The following MAP2K2 variants were observed in gnomAD, a reference collection of about 807,000 sequenced individuals.
MAP2K2 encodes dual specificity mitogen-activated protein kinase kinase 2.
A neutral mutation model predicts 43.7 loss-of-function variants in MAP2K2; 24 were observed. The ratio of observed to expected loss-of-function variants is 0.55; its 90% CI spans 0.40 to 0.77. MAP2K2 has a LOEUF of 0.77. Ranked by LOEUF, MAP2K2 falls within the 30% of genes least tolerant of loss-of-function variation. The pLI, the probability that MAP2K2 is intolerant of heterozygous loss-of-function variation, is 0.00. For missense variants in MAP2K2, 470 were observed against 566.8 expected, an observed-to-expected ratio of 0.83 and a Z score of 1.73; for synonymous variants, 244 against 239.7, an observed-to-expected ratio of 1.02 and a Z score of -0.17.
chr19:4,094,403 G>A (rs1210931730), intron 10 of MAP2K2, 50 bp downstream of exon 10: 3 of 1,541,086 alleles, frequency 1.9e-6, no homozygotes, highest in Admixed American at 3.9e-5. Context: ...CCTGGGGCCT[G>A]GGTGGCAGCC....
Position 4,101,491 on chromosome 19 carries a change from C to T in MAP2K2, c.529-211G>A, listed in dbSNP as rs1244383767. On this transcript the variant is annotated intron_variant, in intron 4 of 10. Transcript: ENST00000262948. The surrounding 1 kb of genome is among the most constrained non-coding windows in gnomAD (Gnocchi z 6.3). ...CTGTGCTGGCGTGTGCAAGTCAACC[C>T]CGGTTCCCATGGCCGCAGTGCCGCC... Among the ~76,000 whole-genome samples, 1 of 152,182 alleles carries T rather than the reference C, an allele frequency of 6.6e-6. No homozygotes were observed.
chr19:4,112,333 G>A (rs1466035887), intron 2 of MAP2K2, among the ~76,000 whole-genome samples: 1 of 152,200 alleles, frequency 6.6e-6, no homozygotes, highest in African/African-American at 2.4e-5. Flanking sequence ...TGCCTGGGGA[G>A]CAGCAACAAG....
intron 2 of MAP2K2, among the ~76,000 whole-genome samples, chr19:4,110,944 C>T (rs1351978748): frequency 2.0e-5 from 3 of 152,304 alleles, no homozygotes; most frequent in African/African-American, 7.2e-5. Context: ...CTCACTGAAA[C>T]AGGACTCAGC....
At chr19:4,095,835 C>T (rs1478117616) in intron 8 of MAP2K2, among the ~76,000 whole-genome samples, 1 of 152,240 alleles carries the variant, frequency 6.6e-6, no homozygotes, top group South Asian at 2.1e-4. Context: ...AGTGCAATGG[C>T]GTGATCTTGG....
intron 2 of MAP2K2, among the ~76,000 whole-genome samples, chr19:4,113,628 C>T (rs1347506151): frequency 3.9e-5 from 6 of 152,208 alleles, no homozygotes; most frequent in African/African-American, 1.4e-4. Context: ...CTTTCCAGGA[C>T]ACCACAGCCC....
At chr19:4,117,854 C>G (rs971776520) in intron 1 of MAP2K2, among the ~76,000 whole-genome samples, 1 of 152,202 alleles carries the variant, frequency 6.6e-6, no homozygotes, top group Admixed American at 6.5e-5. Context: ...TGCCTTGATC[C>G]TGTCTCAACA....
chr19:4,111,666 A>C (rs1196736526), intron 2 of MAP2K2, among the ~76,000 whole-genome samples: 1 of 152,358 alleles, frequency 6.6e-6, no homozygotes, highest in African/African-American at 2.4e-5. Flanking sequence ...CAAGAGATGC[A>C]GAAAGGAGGC....
At position 4,091,196 on chromosome 19, in the gene MAP2K2, C is replaced by A. The variant is rs145613294; in HGVS notation, c.1093-488G>T. Reference sequence around the variant, plus strand: ...CGGAGCAGGACAGCCCAGGCAAGAACGGGCTGTTCCACAGAACTCCGCGAA... The same window carrying A: ...CGGAGCAGGACAGCCCAGGCAAGAAAGGGCTGTTCCACAGAACTCCGCGAA... On this transcript the variant is annotated intron_variant, in intron 10 of 10. Coordinates refer to ENST00000262948, the MANE Select transcript of MAP2K2 (RefSeq NM_030662.4). Among the ~76,000 whole-genome samples the A allele has an allele frequency of 2.2e-4, 34 of 152,332 alleles. No homozygotes were observed. The East Asian group carries it at 5.6e-3, about 25-fold the overall frequency.
At chr19:4,107,967 C>T (rs1169453215) in intron 3 of MAP2K2, among the ~76,000 whole-genome samples, 2 of 152,168 alleles carry the variant, frequency 1.3e-5, no homozygotes, top group Non-Finnish European at 2.9e-5. Flanking sequence ...GGGCCGAGAC[C>T]TGACCCGGAC....
intron 7 of MAP2K2, among the ~76,000 whole-genome samples, chr19:4,097,930 G>A (rs962277157): frequency 2.6e-5 from 4 of 152,172 alleles, no homozygotes; most frequent in Non-Finnish European, 4.4e-5. Flanking sequence ...GAGAGGCTGA[G>A]GCTAGGCCTG....
At chr19:4,102,750 T>C (rs1187966420) in intron 3 of MAP2K2, 2 of 1,298,542 alleles carry the variant, frequency 1.5e-6, no homozygotes, top group Non-Finnish European at 2.0e-6. Flanking sequence ...GAGGCTCTGC[T>C]CCGGGCCAGC....
At position 4,108,304 on chromosome 19, in the gene MAP2K2, G is replaced by A. The variant is rs543973128; in HGVS notation, c.450+2205C>T. Among the ~76,000 whole-genome samples, 32 of 152,186 alleles carry A rather than the reference G, an allele frequency of 2.1e-4. 1 individual carries two copies. In the East Asian group the frequency reaches 3.5e-3, roughly 17 times the overall value. On this transcript the variant is annotated intron_variant, in intron 3 of 10. Coordinates refer to ENST00000262948, the MANE Select transcript of MAP2K2 (RefSeq NM_030662.4). ...GGCCCAGGCTGGAGTGCAGTGGCAC[G>A]ATCTCAGCTCACTGAAAGCTCTGCC...
In MAP2K2 at chr19:4,124,068, C is replaced by CA. The variant is rs2041339671; in HGVS notation, c.-194_-193insT. 1 of 209,508 alleles carries CA rather than the reference C, an allele frequency of 4.8e-6. No individual in the cohort carries two copies. Among genetic ancestry groups the CA allele is most frequent in the South Asian group, 1.8e-4 (1 of 5,426 alleles). 13.0% of individuals were successfully genotyped at this position (209,508 alleles called of 1,614,324 possible). A position where few individuals can be genotyped will look rare whatever the true frequency, so the allele number is the denominator to read the frequency against. On this transcript the variant is annotated 5_prime_UTR_variant, in exon 1 of 11. Transcript: ENST00000262948. Reference sequence around the variant, plus strand: ...GGGCGCTGGGGCTGAGGCGAGCGAGCCGCTACCGCTGCCGAGGCCCGAAGA... The same window carrying CA: ...GGGCGCTGGGGCTGAGGCGAGCGAGCACGCTACCGCTGCCGAGGCCCGAAGA...
chr19:4,116,997 C>T lies in MAP2K2; in HGVS notation c.303+422G>A, dbSNP rs1378300148. On this transcript the variant is annotated intron_variant, in intron 2 of 10. Transcript: ENST00000262948. The stretch of plus-strand genomic sequence containing the variant: ...GCAAAAACATGGCCTGATCATCTTA[C>T]GTCGCCACCGCTGCGTAGGCGGTCT... 5.3e-5 allele frequency among the ~76,000 whole-genome samples: 8 copies of T among 152,316 alleles called. No individual in the cohort carries two copies. The East Asian group carries it at 9.6e-4, about 18-fold the overall frequency.
At position 4,116,009 on chromosome 19, in the gene MAP2K2, C is replaced by T. The variant is rs1156410312; in HGVS notation, c.303+1410G>A. ...CCCAGGAGCCCGGGATGACTAAGCA[C>T]GGGGGCCGTCAGCACCAGGGCTTGC... On this transcript the variant is annotated intron_variant, in intron 2 of 10. Coordinates refer to ENST00000262948, the MANE Select transcript of MAP2K2 (RefSeq NM_030662.4). Among the ~76,000 whole-genome samples, 3 of 152,270 alleles carry T rather than the reference C, an allele frequency of 2.0e-5. No individual in the cohort carries two copies. The East Asian group carries it at 5.8e-4, about 29-fold the overall frequency.
chr19:4,101,956 CAG>C lies in MAP2K2; in HGVS notation c.528+418_528+419del, dbSNP rs1294999723. ...AGCAGCTGTGCTGGAGACCGGGCAGCAGAGACGCCCTTGGCCCCGGTGACATT... is the reference window on the plus strand; with the variant it reads ...AGCAGCTGTGCTGGAGACCGGGCAGCAGACGCCCTTGGCCCCGGTGACATT... On this transcript the variant is annotated intron_variant, in intron 4 of 10. Transcript: ENST00000262948. This position sits in a 1 kb window ranked among gnomAD's most constrained non-coding sequence, Gnocchi z 6.3. Among the ~76,000 whole-genome samples the C allele has an allele frequency of 6.6e-6, 1 of 152,138 alleles. No homozygotes were observed. The highest frequency in any genetic ancestry group is 1.5e-5 in the Non-Finnish European group (1 of 68,014).
Position 4,099,377 on chromosome 19 carries a change from G to A in MAP2K2, c.743C>T (p.Ser248Leu), listed in dbSNP as rs761669626. 17 of 1,611,364 alleles carry A rather than the reference G, an allele frequency of 1.1e-5. No homozygotes were observed. The highest frequency in any genetic ancestry group is 1.4e-5 in the Non-Finnish European group (16 of 1,179,236). The change falls in exon 7 of 11, where the codon TCG becomes TTG. Residue 248 changes from serine (S) to leucine (L), a missense_variant. By Grantham distance (145) the Ser-to-Leu change is moderately radical. Around this residue, in one of 3 missense-constraint regions of MAP2K2, gnomAD observed 200 missense variants for 297.9 expected, o/e 0.67. Coordinates refer to ENST00000262948, the MANE Select transcript of MAP2K2 (RefSeq NM_030662.4). ...GGACAGGCCCATGCTCCAGATGTCC[G>A]ACTGCACCGAGTAATGTGTGCCCTG... ...RLQGTHYSVQ[S>L]DIWSMGLSLV...
In MAP2K2 at chr19:4,111,990, C is replaced by CA. The variant is rs202088459; in HGVS notation, c.304-1336dup. On this transcript the variant is annotated intron_variant, in intron 2 of 10. Coordinates refer to ENST00000262948, the MANE Select transcript of MAP2K2 (RefSeq NM_030662.4). ...CAAAAAAACAAAACAACAACAACAACAACAACAAAAACACCACGGGCAACC... is the reference window on the plus strand; with the variant it reads ...CAAAAAAACAAAACAACAACAACAACAAACAACAAAAACACCACGGGCAACC... 6.4e-3 allele frequency among the ~76,000 whole-genome samples: 977 copies of CA among 151,942 alleles called. 8 individuals are homozygous for CA. The highest frequency in any genetic ancestry group is 0.023 in the African/African-American group (934 of 41,272).
At chr19:4,116,608 C>A (rs2041223999) in intron 2 of MAP2K2, among the ~76,000 whole-genome samples, 1 of 152,184 alleles carries the variant, frequency 6.6e-6, no homozygotes, top group African/African-American at 2.4e-5. Context: ...TGTGCAAACA[C>A]TGGAAAGCCC....
Sources: allele counts gnomAD v4.1 joint callset (sites outside exome capture counted in the v4.1 genomes callset), GRCh38; gene constraint gnomAD v4.1.1; regional missense constraint gnomAD v4.1.1; non-coding constraint Gnocchi (gnomAD v3.1); transcripts MANE v1.5; gene names NCBI Gene and HGNC (gene_info 2026-07-23, HGNC 2026-07-21).